ABTB3: variants seen among roughly 807,000 people sequenced by gnomAD.
ABTB3 encodes ankyrin repeat- and BTB/POZ domain-containing protein 3.
the ABTB3 span, among the ~76,000 whole-genome samples, chr12:107,536,163 G>C: frequency 6.6e-6 from 1 of 152,222 alleles, no homozygotes; most frequent in Admixed American, 6.5e-5. Flanking sequence ...TCAATAAGTG[G>C]TGCTGGGGAA....
chr12:107,549,653 C>T, the ABTB3 span, among the ~76,000 whole-genome samples: 1 of 152,298 alleles, frequency 6.6e-6, no homozygotes, highest in Non-Finnish European at 1.5e-5. Context: ...GAAAATTTGA[C>T]CTTGAATTAA....
chr12:107,474,047 G>A, the ABTB3 span, among the ~76,000 whole-genome samples: 2 of 152,196 alleles, frequency 1.3e-5, no homozygotes, highest in African/African-American at 4.8e-5. Context: ...GCCTCCCAAA[G>A]TGCTGGGATT....
the ABTB3 span, among the ~76,000 whole-genome samples, chr12:107,646,729 G>A: frequency 6.6e-6 from 1 of 152,182 alleles, no homozygotes; most frequent in Non-Finnish European, 1.5e-5. Flanking sequence ...TTTGCTTGCT[G>A]TGTGCCAAGC....
chr12:107,376,904 T>G, the ABTB3 span, among the ~76,000 whole-genome samples: 1 of 152,150 alleles, frequency 6.6e-6, no homozygotes, highest in African/African-American at 2.4e-5. Flanking sequence ...GATTCTCCAT[T>G]TGAGCCCAGG....
At chr12:107,383,049 A>G in the ABTB3 span, among the ~76,000 whole-genome samples, 1 of 152,052 alleles carries the variant, frequency 6.6e-6, no homozygotes. Context: ...TTCGCCCTTC[A>G]TTGCTTCTAG....
At chr12:107,594,193 T>C in the ABTB3 span, among the ~76,000 whole-genome samples, 1 of 152,212 alleles carries the variant, frequency 6.6e-6, no homozygotes, top group Non-Finnish European at 1.5e-5. Flanking sequence ...TGCCTCGTCA[T>C]TTTCTACTCA....
the ABTB3 span, among the ~76,000 whole-genome samples, chr12:107,350,277 C>T: frequency 9.2e-3 from 1,405 of 152,142 alleles, 23 homozygotes; most frequent in African/African-American, 0.019. Context: ...TCTGGCTGGG[C>T]GCAGTGGCTC....
the ABTB3 span, among the ~76,000 whole-genome samples, chr12:107,368,586 C>T: frequency 6.6e-6 from 1 of 152,116 alleles, no homozygotes; most frequent in African/African-American, 2.4e-5. Flanking sequence ...CCCATATGGA[C>T]CCCATGCAAG....
At chr12:107,497,507 TCAC>T in the ABTB3 span, among the ~76,000 whole-genome samples, 1 of 150,750 alleles carries the variant, frequency 6.6e-6, no homozygotes, top group African/African-American at 2.4e-5. Flanking sequence ...ACCATCATCA[TCAC>T]CACACCATCC....
the ABTB3 span, among the ~76,000 whole-genome samples, chr12:107,563,007 CTG>C: frequency 5.9e-5 from 9 of 152,188 alleles, no homozygotes; most frequent in African/African-American, 1.9e-4. Flanking sequence ...TGTTTCATTT[CTG>C]TCTTTCCCAG....
the ABTB3 span, among the ~76,000 whole-genome samples, chr12:107,345,096 G>A: frequency 2.0e-5 from 3 of 152,296 alleles, no homozygotes; most frequent in East Asian, 5.8e-4. Context: ...TGTTGCTCAG[G>A]AGGTTCTTCC....
chr12:107,651,188 A>G, the ABTB3 span, among the ~76,000 whole-genome samples: 1 of 152,012 alleles, frequency 6.6e-6, no homozygotes. Context: ...CCTGGACTCT[A>G]TTGAGGGAGG....
chr12:107,580,962 G>A, the ABTB3 span: 20 of 1,551,528 alleles, frequency 1.3e-5, no homozygotes, highest in Non-Finnish European at 1.7e-5. Context: ...TCACCGGTGC[G>A]GTCCGGATGT....
the ABTB3 span, among the ~76,000 whole-genome samples, chr12:107,460,080 A>T: frequency 1.3e-5 from 2 of 152,250 alleles, no homozygotes; most frequent in African/African-American, 2.4e-5. Context: ...TCAAGGGGCA[A>T]CTTCTCCCCA....
the ABTB3 span, among the ~76,000 whole-genome samples, chr12:107,461,292 A>T: frequency 6.6e-6 from 1 of 152,204 alleles, no homozygotes; most frequent in African/African-American, 2.4e-5. Flanking sequence ...GCCAAACCAT[A>T]CATGCTGGAT....
chr12:107,419,774 G>A, the ABTB3 span, among the ~76,000 whole-genome samples: 9 of 152,156 alleles, frequency 5.9e-5, no homozygotes, highest in Non-Finnish European at 1.0e-4. Flanking sequence ...CGTCCTCATC[G>A]TTAATTTCAG....
chr12:107,488,190 C>T, the ABTB3 span, among the ~76,000 whole-genome samples: 3 of 152,084 alleles, frequency 2.0e-5, no homozygotes, highest in Non-Finnish European at 4.4e-5. Flanking sequence ...CAGTTTTCAA[C>T]CATCCACTTT....
At chr12:107,333,917 A>G in the ABTB3 span, among the ~76,000 whole-genome samples, 1 of 152,216 alleles carries the variant, frequency 6.6e-6, no homozygotes, top group East Asian at 1.9e-4. Flanking sequence ...GCCTCACTCC[A>G]AAGATGACAT....
chr12:107,440,092 C>A, the ABTB3 span, among the ~76,000 whole-genome samples: 3 of 152,198 alleles, frequency 2.0e-5, no homozygotes, highest in Non-Finnish European at 4.4e-5. Flanking sequence ...CTCCCCCCGC[C>A]GCTCCTTACA....
Sources: allele counts gnomAD v4.1 joint callset (sites outside exome capture counted in the v4.1 genomes callset), GRCh38; gene constraint gnomAD v4.1.1; transcripts MANE v1.5; gene names NCBI Gene and HGNC (gene_info 2026-07-23, HGNC 2026-07-21).